The following MAGI2 variants were observed in gnomAD, a reference collection of about 807,000 sequenced individuals.
MAGI2 encodes the protein membrane-associated guanylate kinase, WW and PDZ domain-containing protein 2.
Under a neutral mutation model 133.3 loss-of-function variants are expected in MAGI2, and 35 were observed. The observed-to-expected ratio is 0.26, with a 90% CI of 0.20 to 0.35. MAGI2 has a LOEUF of 0.35. Ranked by LOEUF, MAGI2 falls within the 10% of genes least tolerant of loss-of-function variation. The probability of loss-of-function intolerance (pLI) is 1.00; values close to 1 mark genes in which losing one functional copy is unlikely to be tolerated. For synonymous variants in MAGI2, 729 were observed against 710.6 expected, an observed-to-expected ratio of 1.03 and a Z score of -0.41; for missense variants, 1,636 against 1,863.4, an observed-to-expected ratio of 0.88 and a Z score of 2.25.
chr7:78,046,233 T>TAAAA (rs59275049), intron 21 of MAGI2, among the ~76,000 whole-genome samples: 6,930 of 117,364 alleles, frequency 0.059, 208 homozygotes, highest in Non-Finnish European at 0.08. Flanking sequence ...CTGTCTCTAC[T>TAAAA]AAAAAAAAAA....
chr7:79,024,796 A>G (rs911830226), intron 1 of MAGI2, among the ~76,000 whole-genome samples: 5 of 152,136 alleles, frequency 3.3e-5, no homozygotes, highest in African/African-American at 1.2e-4. Context: ...ATCAAACCAC[A>G]ATGAGATACC....
intron 2 of MAGI2, among the ~76,000 whole-genome samples, chr7:78,879,180 T>A (rs1360646293): frequency 1.3e-5 from 2 of 152,096 alleles, no homozygotes; most frequent in Non-Finnish European, 2.9e-5. Context: ...GCATAAATGC[T>A]TGTACTTGCC....
chr7:78,654,364 A>C (rs1811903909), intron 2 of MAGI2, among the ~76,000 whole-genome samples: 1 of 152,094 alleles, frequency 6.6e-6, no homozygotes, highest in African/African-American at 2.4e-5. Flanking sequence ...ATATTATTTA[A>C]ATTATGTTAA....
intron 1 of MAGI2, among the ~76,000 whole-genome samples, chr7:79,291,119 G>T (rs1239316319): frequency 1.3e-5 from 2 of 151,904 alleles, no homozygotes; most frequent in Middle Eastern, 3.4e-3. Context: ...TGTACTTTTT[G>T]TCTCTGTGGA....
At chr7:78,594,598 C>CAG (rs1288064549) in intron 3 of MAGI2, among the ~76,000 whole-genome samples, 1 of 152,154 alleles carries the variant, frequency 6.6e-6, no homozygotes, top group Non-Finnish European at 1.5e-5. Flanking sequence ...GCTGGGATTA[C>CAG]AGGCAAGCAC....
chr7:78,141,152 G>A (rs6959568), intron 16 of MAGI2, among the ~76,000 whole-genome samples: 14,976 of 152,094 alleles, frequency 0.098, 1,005 homozygotes, highest in Non-Finnish European at 0.15. Context: ...TTGTGGGCTG[G>A]GGTCCCTCCT....
At chr7:78,290,465 G>C (rs199895703) in intron 9 of MAGI2, among the ~76,000 whole-genome samples, 2 of 152,066 alleles carry the variant, frequency 1.3e-5, no homozygotes, top group Non-Finnish European at 2.9e-5. Flanking sequence ...TAGAGACCTA[G>C]AAAGAGACTT....
chr7:78,352,061 T>C (rs1326025594), intron 7 of MAGI2: 5 of 152,194 alleles, frequency 3.3e-5, no homozygotes, highest in African/African-American at 7.2e-5. Flanking sequence ...TTGTTGTGCA[T>C]ATTAAATGTC....
chr7:79,010,000 T>C (rs1188165224), intron 1 of MAGI2, among the ~76,000 whole-genome samples: 1 of 152,112 alleles, frequency 6.6e-6, no homozygotes. Context: ...TTAAAACTAA[T>C]ATAGTTGAAC....
At chr7:78,245,806 C>G (rs1456243265) in intron 10 of MAGI2, among the ~76,000 whole-genome samples, 1 of 152,174 alleles carries the variant, frequency 6.6e-6, no homozygotes, top group African/African-American at 2.4e-5. Context: ...GGAGTCCACA[C>G]AGCCATGCTC....
intron 6 of MAGI2, among the ~76,000 whole-genome samples, chr7:78,380,156 C>T (rs1794790774): frequency 6.6e-6 from 1 of 151,746 alleles, no homozygotes; most frequent in South Asian, 2.1e-4. Flanking sequence ...CACACACACA[C>T]ACACACACAC....
intron 20 of MAGI2, among the ~76,000 whole-genome samples, chr7:78,110,817 C>A (rs1011657553): frequency 2.0e-5 from 3 of 152,096 alleles, no homozygotes; most frequent in African/African-American, 4.8e-5. Context: ...CAGGGTCTGA[C>A]AATGGTGACT....
At chr7:79,123,957 G>A (rs574609005) in intron 1 of MAGI2, among the ~76,000 whole-genome samples, 69 of 150,654 alleles carry the variant, frequency 4.6e-4, no homozygotes, top group African/African-American at 1.6e-3. Context: ...TTTTTCACCT[G>A]TGACCCCCTC....
intron 6 of MAGI2, among the ~76,000 whole-genome samples, chr7:78,371,269 T>C (rs1217100933): frequency 6.6e-6 from 1 of 151,914 alleles, no homozygotes; most frequent in Non-Finnish European, 1.5e-5. Flanking sequence ...AACCCTTTTT[T>C]ATAAGCAGCT....
At chr7:79,219,103 G>A (rs1016662636) in intron 1 of MAGI2, among the ~76,000 whole-genome samples, 1 of 151,908 alleles carries the variant, frequency 6.6e-6, no homozygotes, top group African/African-American at 2.4e-5. Flanking sequence ...AATAACAAAT[G>A]GTGTATTAGA....
intron 3 of MAGI2, among the ~76,000 whole-genome samples, chr7:78,554,878 G>T (rs544336960): frequency 6.6e-6 from 1 of 152,142 alleles, no homozygotes; most frequent in South Asian, 2.1e-4. Flanking sequence ...GGCTCATGTG[G>T]GTAATCCCAG....
intron 21 of MAGI2, chr7:78,078,668 C>T: frequency 5.4e-6 from 3 of 550,620 alleles, no homozygotes; most frequent in South Asian, 4.9e-5. Flanking sequence ...TCTCCTCGCA[C>T]ACTCACAGAT....
chr7:78,583,340 TA>T (rs1219979839), intron 3 of MAGI2: 42 of 170,052 alleles, frequency 2.5e-4, no homozygotes, highest in South Asian at 1.5e-3. Context: ...CTACTAAAAA[TA>T]AAAAAAATTA....
intron 2 of MAGI2, among the ~76,000 whole-genome samples, chr7:78,648,332 C>T (rs1811124210): frequency 6.6e-6 from 1 of 152,230 alleles, no homozygotes; most frequent in South Asian, 2.1e-4. Context: ...TCCCTACTAC[C>T]TTGAATAAAA....
Sources: gnomAD v4.1 joint callset for allele counts (sites outside exome capture counted in the v4.1 genomes callset) on GRCh38, gnomAD v4.1.1 for gene constraint, MANE v1.5 for transcripts, NCBI Gene and HGNC (gene_info 2026-07-23, HGNC 2026-07-21) for gene names.